The following SEC22C variants were observed in gnomAD, a reference collection of about 807,000 sequenced individuals.
SEC22C encodes vesicle-trafficking protein SEC22c.
In SEC22C, 29 loss-of-function variants were observed where a neutral mutation model predicts 34.7. The observed-to-expected ratio is 0.84, with a 90% confidence interval of 0.62 to 1.14. SEC22C has a LOEUF of 1.14. Ranked by LOEUF, SEC22C falls within the 50% of genes most tolerant of loss-of-function variation. The probability of loss-of-function intolerance (pLI) is 0.00; values close to 1 mark genes in which losing one functional copy is unlikely to be tolerated. For synonymous variants in SEC22C, 117 were observed against 132.8 expected (o/e 0.88, Z 0.82); for missense variants, 337 against 369.0 (o/e 0.91, Z 0.71).
Position 42,550,500 on chromosome 3 carries a change from C to G in SEC22C, c.*2748G>C. On this transcript the variant is annotated 3_prime_UTR_variant, in exon 7 of 7. Coordinates refer to ENST00000264454, the MANE Select transcript of SEC22C (RefSeq NM_032970.4). ...CCAGAACTTCTTTCCTATTTTCAGT[C>G]TCTTCCTTCAGTGAGCTGAGGATTC... is the stretch of plus-strand genomic sequence containing the variant. The G allele has an allele frequency of 2.0e-6, 2 of 985,468 alleles. No individual in the cohort carries two copies. Among genetic ancestry groups the G allele is most frequent in the South Asian group, 4.7e-5 (1 of 21,286 alleles). The allele number at this position is 985,468 out of a possible 1,614,324, so 61.0% of individuals were successfully genotyped here.
intron 2 of SEC22C, 127 bp from the exon 3 acceptor site, chr3:42,563,813 G>T (rs755794297): frequency 6.5e-7 from 1 of 1,542,946 alleles, no homozygotes; most frequent in South Asian, 1.2e-5. Flanking sequence ...GCTGTTTGCT[G>T]CAGGTATATT....
intron 3 of SEC22C, among the ~76,000 whole-genome samples, chr3:42,562,389 G>T (rs567255124): frequency 6.6e-6 from 1 of 152,348 alleles, no homozygotes; most frequent in Non-Finnish European, 1.5e-5. Flanking sequence ...CCTCTTCAGA[G>T]AAAGAAGTGT....
intron 3 of SEC22C, among the ~76,000 whole-genome samples, chr3:42,563,175 A>T (rs1295632722): frequency 1.3e-5 from 2 of 152,246 alleles, no homozygotes; most frequent in Non-Finnish European, 2.9e-5. Flanking sequence ...AACATGTAAA[A>T]GAATAAGCAT....
At chr3:42,580,346 C>T (rs1424845166) in intron 1 of SEC22C, 1 of 152,212 alleles carries the variant, frequency 6.6e-6, no homozygotes, top group East Asian at 1.9e-4. Flanking sequence ...AATATTCAAA[C>T]ACAAAGTGTT....
At position 42,549,166 on chromosome 3, in the gene SEC22C, G is replaced by A. The variant is rs929368760; in HGVS notation, c.*4082C>T. 1.7e-4 allele frequency: 167 copies of A among 990,898 alleles called. No homozygotes were observed. Among genetic ancestry groups the A allele is most frequent in the South Asian group, 8.3e-4 (18 of 21,768 alleles). The allele number at this position is 990,898 out of a possible 1,614,324, so 61.4% of individuals were successfully genotyped here. ...AACACTCACAGGGCACAGGTAGAGC[G>A]TCCCCAGACCTGTGCAATATTCTAC... On this transcript the variant is annotated 3_prime_UTR_variant, in exon 7 of 7. Transcript: ENST00000264454.
intron 1 of SEC22C, chr3:42,600,369 A>G (rs1490657086): frequency 2.6e-5 from 4 of 152,266 alleles, no homozygotes. Flanking sequence ...GAAACAGAGA[A>G]GTCTCGCGGT....
chr3:42,563,873 TA>T, intron 2 of SEC22C, 187 bp from the exon 3 acceptor site: 2 of 1,483,886 alleles, frequency 1.3e-6, no homozygotes, highest in South Asian at 1.2e-5. Context: ...CCGCTTCCTT[TA>T]AAATGTCTAG....
chr3:42,565,959 C>T, intron 2 of SEC22C: 1 of 448,412 alleles, frequency 2.2e-6, no homozygotes, highest in Non-Finnish European at 4.4e-6. Flanking sequence ...ATGAGTAGAA[C>T]ATTTTTTATT....
intron 4 of SEC22C, among the ~76,000 whole-genome samples, chr3:42,559,121 A>G (rs953290060): frequency 2.0e-5 from 3 of 152,264 alleles, no homozygotes; most frequent in African/African-American, 7.2e-5. Context: ...TTTGGTTCAC[A>G]CAATTAAATG....
chr3:42,590,793 G>A lies in SEC22C; in HGVS notation c.-28+10167C>T, dbSNP rs1194024099. 9 of 1,196,580 alleles carry A rather than the reference G, an allele frequency of 7.5e-6. No individual in the cohort carries two copies. In the East Asian group the frequency reaches 9.3e-5, roughly 12 times the overall value. The allele number at this position is 1,196,580 out of a possible 1,614,324, so 74.1% of individuals were successfully genotyped here. On this transcript the variant is annotated intron_variant, in intron 1 of 6. Coordinates refer to the SEC22C transcript ENST00000417572. ...TCCAGTCACAAATGACGTCCCTTCT[G>A]TACCCCGCCCTGTAGGCGGGAGCAT...
At chr3:42,578,826 C>T (rs1704131931) in intron 1 of SEC22C, among the ~76,000 whole-genome samples, 1 of 152,168 alleles carries the variant, frequency 6.6e-6, no homozygotes, top group East Asian at 1.9e-4. Context: ...ATCTTATCTG[C>T]TAATTAACTG....
intron 2 of SEC22C, among the ~76,000 whole-genome samples, chr3:42,566,250 C>G (rs1433202813): frequency 6.6e-6 from 1 of 152,152 alleles, no homozygotes; most frequent in African/African-American, 2.4e-5. Context: ...TTTGTCACCC[C>G]CTTCAGGACA....
At chr3:42,595,661 C>T (rs900498746) in intron 1 of SEC22C, among the ~76,000 whole-genome samples, 1 of 152,204 alleles carries the variant, frequency 6.6e-6, no homozygotes, top group South Asian at 2.1e-4. Context: ...AAAACTTTCA[C>T]TCTTGGAGAT....
chr3:42,590,797 C>A, intron 1 of SEC22C: 1 of 1,240,712 alleles, frequency 8.1e-7, no homozygotes, highest in Admixed American at 1.7e-5. Flanking sequence ...CCTTCTGTAC[C>A]CCGCCCTGTA....
chr3:42,575,207 A>G (rs79852299), intron 1 of SEC22C, among the ~76,000 whole-genome samples: 5,531 of 152,300 alleles, frequency 0.036, 163 homozygotes, highest in East Asian at 0.12. Flanking sequence ...AAAAGAAAAC[A>G]GAGAAATAAC....
chr3:42,585,975 C>T (rs1420335970), upstream of SEC22C, among the ~76,000 whole-genome samples: 1 of 152,104 alleles, frequency 6.6e-6, no homozygotes, highest in Non-Finnish European at 1.5e-5. Flanking sequence ...CAGGAACCTC[C>T]GTTACTGAAG....
chr3:42,578,558 A>ACACC (rs1704114523), intron 1 of SEC22C, among the ~76,000 whole-genome samples: 1 of 151,812 alleles, frequency 6.6e-6, no homozygotes, highest in African/African-American at 2.4e-5. Context: ...ACACACACAC[A>ACACC]CACACACACA....
chr3:42,554,993 C>CA (rs568831806), intron 6 of SEC22C, among the ~76,000 whole-genome samples: 7,684 of 142,694 alleles, frequency 0.054, 418 homozygotes, highest in African/African-American at 0.15. Flanking sequence ...ACAACAACAA[C>CA]AACAAAAAAA....
At position 42,552,086 on chromosome 3, in the gene SEC22C, A is replaced by G. The variant is rs1702282385; in HGVS notation, c.*1162T>C. 1 of 985,346 alleles carries G rather than the reference A, an allele frequency of 1.0e-6. No individual in the cohort carries two copies. The highest frequency in any genetic ancestry group is 1.2e-6 in the Non-Finnish European group (1 of 829,938). 61.0% of individuals were successfully genotyped at this position (985,346 alleles called of 1,614,324 possible). On this transcript the variant is annotated 3_prime_UTR_variant, in exon 7 of 7. Transcript: ENST00000264454. ...GGAAACCTAAGGGATCTTATCCAGA[A>G]CCATATTTTGGAAAACTGTGATCAA...
Sources: gnomAD v4.1 joint callset for allele counts (sites outside exome capture counted in the v4.1 genomes callset) on GRCh38, gnomAD v4.1.1 for gene constraint, MANE v1.5 for transcripts, NCBI Gene and HGNC (gene_info 2026-07-23, HGNC 2026-07-21) for gene names.